HMBOX1: variants seen among roughly 807,000 people sequenced by gnomAD.
HMBOX1 encodes the protein homeobox containing 1.
HMBOX1 carries 14 observed loss-of-function variants against 54.5 expected under a neutral mutation model. The ratio of observed to expected loss-of-function variants is 0.26; its 90% CI spans 0.17 to 0.40. The LOEUF (loss-of-function observed/expected upper bound fraction) is 0.40. Ranked by LOEUF, HMBOX1 falls within the 10% of genes least tolerant of loss-of-function variation. The pLI is 1.00. For missense variants in HMBOX1, 332 were observed against 514.4 expected (o/e 0.65, Z 3.43); for synonymous variants, 160 against 181.0 (o/e 0.88, Z 0.93).
chr8:29,018,765 A>G lies in HMBOX1; in HGVS notation c.703A>G (p.Thr235Ala). Reference protein sequence around the residue: ...YQLEKTNPGATLSMRPAPIPI... With the variant: ...YQLEKTNPGAALSMRPAPIPI... ...AAGTGTCTTGTTTATTTCAGGCGCT[A>G]CACTAAGTATGAGACCAGCCCCCAT... Residue 235 changes from threonine to alanine, a missense_variant, in exon 6 of 10, where the codon ACA becomes GCA. Thr to Ala is a moderately conservative substitution (Grantham distance 58). Around this residue, in one of 4 missense-constraint regions of HMBOX1, gnomAD observed 117 missense variants for 220.0 expected, o/e 0.53. Coordinates refer to ENST00000287701, the MANE Select transcript of HMBOX1 (RefSeq NM_001135726.3). The G allele has an allele frequency of 6.2e-7, 1 of 1,613,356 alleles. No homozygotes were observed. The highest frequency in any genetic ancestry group is 8.5e-7 in the Non-Finnish European group (1 of 1,179,594).
intron 4 of HMBOX1, among the ~76,000 whole-genome samples, chr8:28,982,150 G>A (rs749603195): frequency 5.9e-5 from 9 of 152,270 alleles, no homozygotes; most frequent in Non-Finnish European, 1.0e-4. Context: ...GGAGAATGGC[G>A]TGAACCTGGG....
Position 28,969,897 on chromosome 8 carries a change from G to A in HMBOX1, c.24-146G>A. On this transcript the variant is annotated intron_variant, in intron 2 of 9. Transcript: ENST00000287701. ...GTATCTGTACCAATCCATTTGCCATGGCACAATCATTCTAGCATGGGACAT... is the reference window on the plus strand; with the variant it reads ...GTATCTGTACCAATCCATTTGCCATAGCACAATCATTCTAGCATGGGACAT... 6.5e-6 allele frequency: 4 copies of A among 619,326 alleles called. No homozygotes were observed. In the South Asian group the frequency reaches 8.0e-5, roughly 12 times the overall value. 38.4% of individuals were successfully genotyped at this position (619,326 alleles called of 1,614,324 possible). A position where few individuals can be genotyped will look rare whatever the true frequency, so the allele number is the denominator to read the frequency against.
chr8:29,041,726 C>G (rs1342206075), intron 6 of HMBOX1, among the ~76,000 whole-genome samples: 1 of 151,934 alleles, frequency 6.6e-6, no homozygotes, highest in East Asian at 1.9e-4. Context: ...AAGAGAAAGG[C>G]ACAGAGATGC....
In HMBOX1 at chr8:29,031,192, A is replaced by G. The variant is rs537365191; in HGVS notation, c.851+12279A>G. On this transcript the variant is annotated intron_variant, in intron 6 of 9. Transcript: ENST00000287701. ...AACTAGCTGAGGATATCTTCTTCAT[A>G]TCTCATATCAAAGAGCCCATGTGTC... 3.7e-4 allele frequency among the ~76,000 whole-genome samples: 57 copies of G among 152,284 alleles called. 1 individual carries two copies. Among genetic ancestry groups the G allele is most frequent in the African/African-American group, 1.3e-3 (55 of 41,564 alleles).
At chr8:29,020,514 C>T (rs915774821) in intron 6 of HMBOX1, among the ~76,000 whole-genome samples, 2 of 151,998 alleles carry the variant, frequency 1.3e-5, no homozygotes, top group Non-Finnish European at 2.9e-5. Flanking sequence ...GAGCATTTAC[C>T]CTATGACTCC....
At chr8:29,004,698 C>T (rs1052308897) in intron 4 of HMBOX1, among the ~76,000 whole-genome samples, 2 of 152,280 alleles carry the variant, frequency 1.3e-5, no homozygotes, top group Non-Finnish European at 2.9e-5. Context: ...TTCCTCTGCC[C>T]TGTCAGAGGT....
Position 28,921,582 on chromosome 8 carries a change from C to T in HMBOX1, c.-58+30904C>T, listed in dbSNP as rs184224307. On this transcript the variant is annotated intron_variant, in intron 1 of 9. Coordinates refer to ENST00000287701, the MANE Select transcript of HMBOX1 (RefSeq NM_001135726.3). The stretch of plus-strand genomic sequence containing the variant: ...TTGACCAAATGAACCAACATGATTA[C>T]GAGATACTTTAATGATGGATTTGAT... Among the ~76,000 whole-genome samples, 5 of 152,206 alleles carry T rather than the reference C, an allele frequency of 3.3e-5. No homozygotes were observed. The East Asian group carries it at 5.8e-4, about 18-fold the overall frequency.
chr8:29,050,449 C>T (rs1806275039), intron 9 of HMBOX1: 1 of 153,144 alleles, frequency 6.5e-6, no homozygotes. Context: ...CACCTTCCTC[C>T]CCTTTCTCCC....
At chr8:28,899,710 A>G (rs1044270347) in intron 1 of HMBOX1, among the ~76,000 whole-genome samples, 1 of 152,216 alleles carries the variant, frequency 6.6e-6, no homozygotes, top group African/African-American at 2.4e-5. Flanking sequence ...TGGAGTTTAT[A>G]TGGACTTCAG....
At chr8:29,003,965 A>G (rs2132763621) in intron 4 of HMBOX1, among the ~76,000 whole-genome samples, 1 of 152,290 alleles carries the variant, frequency 6.6e-6, no homozygotes, top group East Asian at 1.9e-4. Context: ...GTCCAGGCAA[A>G]AGAGACTGAG....
At chr8:28,989,615 T>A (rs1830689002) in intron 4 of HMBOX1, among the ~76,000 whole-genome samples, 1 of 152,240 alleles carries the variant, frequency 6.6e-6, no homozygotes. Flanking sequence ...TTATTATAAG[T>A]CTTGAAATCA....
chr8:28,973,824 T>TG (rs1563502137), intron 3 of HMBOX1, among the ~76,000 whole-genome samples: 5 of 83,302 alleles, frequency 6.0e-5, no homozygotes, highest in South Asian at 4.3e-4. Flanking sequence ...TTTTTTTTTT[T>TG]TTTTTTTTTT....
intron 6 of HMBOX1, among the ~76,000 whole-genome samples, chr8:29,035,438 A>G (rs920870148): frequency 1.3e-5 from 2 of 152,220 alleles, no homozygotes; most frequent in Non-Finnish European, 1.5e-5. Flanking sequence ...GTCACCTTAC[A>G]AACCTCTTTG....
chr8:29,050,802 C>T, intron 9 of HMBOX1: 1 of 525,894 alleles, frequency 1.9e-6, no homozygotes. Flanking sequence ...ATTTTTTGTG[C>T]TTTTTACTTG....
chr8:29,051,371 A>G lies in HMBOX1; in HGVS notation c.*216A>G, dbSNP rs1374524494. 1 of 637,954 alleles carries G rather than the reference A, an allele frequency of 1.6e-6. No homozygotes were observed. Among genetic ancestry groups the G allele is most frequent in the African/African-American group, 1.8e-5 (1 of 54,556 alleles). The allele number at this position is 637,954 out of a possible 1,614,324, so 39.5% of individuals were successfully genotyped here. On this transcript the variant is annotated 3_prime_UTR_variant, in exon 10 of 10. Coordinates refer to ENST00000287701, the MANE Select transcript of HMBOX1 (RefSeq NM_001135726.3). ...CCAGTAAATAATAACCAACCAACCAACCAAACTTCCCTCTCCCAGCCCCCG... is the reference window on the plus strand; with the variant it reads ...CCAGTAAATAATAACCAACCAACCAGCCAAACTTCCCTCTCCCAGCCCCCG...
intron 1 of HMBOX1, among the ~76,000 whole-genome samples, chr8:28,927,994 G>A (rs763917576): frequency 1.3e-5 from 2 of 151,856 alleles, no homozygotes; most frequent in Admixed American, 6.6e-5. Context: ...AATTAGCTGG[G>A]CGTGGTGGCG....
At chr8:28,989,220 C>T (rs923295120) in intron 4 of HMBOX1, among the ~76,000 whole-genome samples, 3 of 151,124 alleles carry the variant, frequency 2.0e-5, no homozygotes, top group African/African-American at 7.3e-5. Context: ...TGGGGTGAGC[C>T]GAGATTGTGC....
intron 1 of HMBOX1, among the ~76,000 whole-genome samples, chr8:28,905,341 G>GCACACACACGCACGCACACA (rs1814096628): frequency 6.6e-6 from 1 of 151,932 alleles, no homozygotes; most frequent in Non-Finnish European, 1.5e-5. Flanking sequence ...GCGTGCATGC[G>GCACACACACGCACGCACACA]CACACACACG....
intron 4 of HMBOX1, among the ~76,000 whole-genome samples, chr8:28,985,317 C>T (rs1830005061): frequency 6.6e-6 from 1 of 152,170 alleles, no homozygotes; most frequent in African/African-American, 2.4e-5. Flanking sequence ...TCTCTTGGGT[C>T]TCTTTTATTG....
Sources: gnomAD v4.1 joint callset for allele counts (sites outside exome capture counted in the v4.1 genomes callset) on GRCh38, gnomAD v4.1.1 for gene constraint, gnomAD v4.1.1 regional missense constraint, MANE v1.5 for transcripts, NCBI Gene and HGNC (gene_info 2026-07-23, HGNC 2026-07-21) for gene names.